Variants in MAP7D1 observed in about 807,000 individuals in gnomAD.
The protein encoded by MAP7D1 is MAP7 domain-containing protein 1.
In MAP7D1, 30 loss-of-function variants were observed where a neutral mutation model predicts 97.5. The ratio of observed to expected loss-of-function variants is 0.31; its 90% CI spans 0.23 to 0.42. MAP7D1 has a LOEUF of 0.42. Among genes scored for constraint, MAP7D1 ranks in the 10% least tolerant of loss-of-function variants. The pLI, the probability that MAP7D1 is intolerant of heterozygous loss-of-function variation, is 1.00. For synonymous variants in MAP7D1, 536 were observed against 477.1 expected (o/e 1.12, Z -1.61); for missense variants, 1,184 against 1,179.5 (o/e 1.00, Z -0.06).
Position 36,156,274 on chromosome 1 carries a change from T to C in MAP7D1, c.-144T>C. ...GACTCGCGGGCCACCTGCCTCGACC[T>C]TCCCCGGAGCGCCCCCGCCTCCGAG... On this transcript the variant is annotated 5_prime_UTR_variant, in exon 1 of 17. Coordinates refer to ENST00000474796, the MANE Select transcript of MAP7D1 (RefSeq NM_001388490.1). The C allele has an allele frequency of 1.7e-6, 1 of 584,978 alleles. No individual in the cohort carries two copies. Among genetic ancestry groups the C allele is most frequent in the Non-Finnish European group, 2.6e-6 (1 of 379,164 alleles). The allele number at this position is 584,978 out of a possible 1,614,324, so 36.2% of individuals were successfully genotyped here.
At chr1:36,173,734 G>GCCTGTCAATTATTATTAGTTGT (rs1644579603) in intron 5 of MAP7D1, among the ~76,000 whole-genome samples, 1 of 152,066 alleles carries the variant, frequency 6.6e-6, no homozygotes, top group Admixed American at 6.6e-5. Flanking sequence ...CCTTCTTTGC[G>GCCTGTCAATTATTATTAGTTGT]CCTGTCAATT....
Position 36,175,015 on chromosome 1 carries a change from G to A in MAP7D1, c.850+7G>A. 6.3e-7 allele frequency: 1 copy of A among 1,596,816 alleles called. No individual in the cohort carries two copies. On this transcript the variant is annotated splice_region_variant and intron_variant, in intron 6 of 16. Coordinates refer to ENST00000474796, the MANE Select transcript of MAP7D1 (RefSeq NM_001388490.1). ...TGGAACTCCCCCAGTAGAAGTAAGAGAAGGCCCAGCCCTTCCCCCTCCAGA... is the reference window on the plus strand; with the variant it reads ...TGGAACTCCCCCAGTAGAAGTAAGAAAAGGCCCAGCCCTTCCCCCTCCAGA...
In MAP7D1 at chr1:36,176,361, G is replaced by A. The variant is rs1270944461; in HGVS notation, c.1013G>A (p.Arg338Gln). The A allele has an allele frequency of 1.4e-5, 22 of 1,525,498 alleles. No individual in the cohort carries two copies. Among genetic ancestry groups the A allele is most frequent in the Non-Finnish European group, 1.8e-5 (21 of 1,140,370 alleles). The allele number at this position is 1,525,498 out of a possible 1,614,324, so 94.5% of individuals were successfully genotyped here. ...CDPGRGPTWG[R>Q]AGASLARGPQ... ...CCTGGGAGAGGCCCCACGTGGGGCCGGGCAGGGGCCAGCCTGGCGCGCGGG... is the reference window on the plus strand; with the variant it reads ...CCTGGGAGAGGCCCCACGTGGGGCCAGGCAGGGGCCAGCCTGGCGCGCGGG... The change falls in exon 7 of 17, where the codon CGG becomes CAG. Residue 338 changes from arginine to glutamine, a missense_variant. Transcript: ENST00000474796. The surrounding 1 kb of genome is among the most constrained non-coding windows in gnomAD (Gnocchi z 6.1).
At position 36,172,614 on chromosome 1, in the gene MAP7D1, T is replaced by C; in HGVS notation, c.611T>C (p.Leu204Pro). 6.4e-7 allele frequency: 1 copy of C among 1,568,958 alleles called. No homozygotes were observed. The change falls in exon 4 of 17, where the codon CTC becomes CCC. Residue 204 changes from leucine (L) to proline (P), a missense_variant. Transcript: ENST00000474796. The stretch of plus-strand genomic sequence containing the variant: ...CTGGAGGAACGGCAGCGGCAGAAGC[T>C]CGAGAAAAACAAGGTGCGGGATGGG... ...AALEERQRQK[L>P]EKNKERYEAA...
chr1:36,166,515 G>A (rs905734414), intron 1 of MAP7D1, among the ~76,000 whole-genome samples: 2 of 151,178 alleles, frequency 1.3e-5, no homozygotes. Context: ...TCAGCCTCCT[G>A]TGTACCTGGG....
rs1195083620 is a variant in MAP7D1, at chr1:36,179,703, G to A, written c.2265G>A (p.Leu755=). 2.0e-6 allele frequency: 3 copies of A among 1,515,736 alleles called. No homozygotes were observed. Among genetic ancestry groups the A allele is most frequent in the South Asian group, 1.3e-5 (1 of 75,612 alleles). The allele number at this position is 1,515,736 out of a possible 1,614,324, so 93.9% of individuals were successfully genotyped here. The change falls in exon 15 of 17, where the codon CTG becomes CTA. Residue 755 remains leucine (L), a synonymous_variant. Transcript: ENST00000474796. The stretch of plus-strand genomic sequence containing the variant: ...CTGTGGAGGCTCGGTCCCCAGGGCT[G>A]CAGAAGGAGGCTGTGCAGAAAGAGG... ...VKAVEARSPG[L]QKEAVQKEEP...
In MAP7D1 at chr1:36,178,520, G is replaced by T; in HGVS notation, c.1810G>T (p.Ala604Ser). The T allele has an allele frequency of 6.2e-7, 1 of 1,606,984 alleles. No individual in the cohort carries two copies. The highest frequency in any genetic ancestry group is 8.5e-7 in the Non-Finnish European group (1 of 1,177,188). ...CCGAGAAGAAGCCACTCGGCTCTTG[G>T]CTGAGAAGCGGCGCCAGGCCCGGGA... ...TDREEATRLL[A>S]EKRRQAREQR... Residue 604 changes from alanine to serine, a missense_variant, in exon 10 of 17, where the codon GCT becomes TCT. Coordinates refer to ENST00000474796, the MANE Select transcript of MAP7D1 (RefSeq NM_001388490.1).
intron 5 of MAP7D1, among the ~76,000 whole-genome samples, chr1:36,174,550 G>A (rs1644590771): frequency 6.6e-6 from 1 of 152,154 alleles, no homozygotes. Flanking sequence ...GTCTTGGCTG[G>A]GCAGTGTCAG....
intron 8 of MAP7D1, 78 bp from the exon 9 acceptor site, chr1:36,177,795 C>T (rs1292861618): frequency 1.6e-5 from 24 of 1,512,274 alleles, no homozygotes; most frequent in African/African-American, 2.8e-5. Flanking sequence ...GGAGGGGGCA[C>T]CTCCCAGAGG....
rs1052838917 is a variant in MAP7D1, at chr1:36,180,420, C to T, written c.*162C>T. ...ATCTGCACCTTATAGACTGATGTCTCTTTGGCCGGAGCCAGATCTGCCCCT... is the reference window on the plus strand; with the variant it reads ...ATCTGCACCTTATAGACTGATGTCTTTTTGGCCGGAGCCAGATCTGCCCCT... On this transcript the variant is annotated 3_prime_UTR_variant, in exon 17 of 17. Transcript: ENST00000474796. The T allele has an allele frequency of 4.2e-6, 4 of 956,760 alleles. No homozygotes were observed. In the African/African-American group the frequency reaches 4.9e-5, roughly 12 times the overall value. 59.3% of individuals were successfully genotyped at this position (956,760 alleles called of 1,614,324 possible).
intron 4 of MAP7D1, among the ~76,000 whole-genome samples, 154 bp from the exon 5 acceptor site, chr1:36,173,210 G>A (rs532823174): frequency 1.3e-5 from 2 of 152,244 alleles, no homozygotes; most frequent in Non-Finnish European, 2.9e-5. Context: ...TCATAGCAAG[G>A]ATTTGGTAAC....
chr1:36,168,029 G>A (rs1644494029), intron 1 of MAP7D1, among the ~76,000 whole-genome samples: 1 of 152,198 alleles, frequency 6.6e-6, no homozygotes, highest in Non-Finnish European at 1.5e-5. Flanking sequence ...GGGTGCGGTG[G>A]CTCACGCCTG....
In MAP7D1 at chr1:36,178,484, G is replaced by C. The variant is rs770810971; in HGVS notation, c.1774G>C (p.Gly592Arg). The change falls in exon 10 of 17, where the codon GGC (glycine) becomes CGC (arginine). Residue 592 changes from glycine to arginine, a missense_variant. By Grantham distance (125) the Gly-to-Arg change is moderately radical (BLOSUM62 -2). Coordinates refer to ENST00000474796, the MANE Select transcript of MAP7D1 (RefSeq NM_001388490.1). ...PPVTPSKPMA[G>R]TTDREEATRL... ...GGTGACCCCTAGCAAACCAATGGCCGGCACCACAGACCGAGAAGAAGCCAC... is the reference window on the plus strand; with the variant it reads ...GGTGACCCCTAGCAAACCAATGGCCCGCACCACAGACCGAGAAGAAGCCAC... 2.5e-6 allele frequency: 4 copies of C among 1,611,260 alleles called. No individual in the cohort carries two copies. Among genetic ancestry groups the C allele is most frequent in the South Asian group, 2.2e-5 (2 of 90,876 alleles).
chr1:36,172,118 G>A (rs1644553664), intron 3 of MAP7D1: 3 of 199,840 alleles, frequency 1.5e-5, no homozygotes, highest in South Asian at 2.8e-4. Flanking sequence ...TTCAGACCCA[G>A]AAGCCTCCTG....
rs1250468239 is a variant in MAP7D1 at position 36,178,527 on chromosome 1, A to G, written c.1817A>G (p.Lys606Arg). Residue 606 changes from lysine (K) to arginine (R), a missense_variant, in exon 10 of 17, where the codon AAG (lysine) becomes AGG (arginine). Coordinates refer to ENST00000474796, the MANE Select transcript of MAP7D1 (RefSeq NM_001388490.1). ...GAAGCCACTCGGCTCTTGGCTGAGA[A>G]GCGGCGCCAGGCCCGGGAGCAGCGG... ...REEATRLLAE[K>R]RRQAREQRER... is the part of the protein sequence containing the mutation. 6.2e-7 allele frequency: 1 copy of G among 1,604,492 alleles called. No homozygotes were observed. Among genetic ancestry groups the G allele is most frequent in the Non-Finnish European group, 8.5e-7 (1 of 1,175,992 alleles).
Position 36,179,006 on chromosome 1 carries a change from A to T in MAP7D1, c.2111A>T (p.Glu704Val). The T allele has an allele frequency of 6.5e-7, 1 of 1,545,860 alleles. No individual in the cohort carries two copies. The highest frequency in any genetic ancestry group is 8.7e-7 in the Non-Finnish European group (1 of 1,146,494). ...AAGCACTTCCAGCAGCAGGAGCAAGAGCGGCAAGAGCGCAGAAAGGTGTGC... is the reference window on the plus strand; with the variant it reads ...AAGCACTTCCAGCAGCAGGAGCAAGTGCGGCAAGAGCGCAGAAAGGTGTGC... The part of the protein sequence containing the change: ...REKHFQQQEQ[E>V]RQERRKRLEE... Residue 704 changes from glutamate (E) to valine (V), a missense_variant, in exon 12 of 17, where the codon GAG becomes GTG. Coordinates refer to ENST00000474796, the MANE Select transcript of MAP7D1 (RefSeq NM_001388490.1).
Position 36,178,913 on chromosome 1 carries a change from T to C in MAP7D1, c.2026-8T>C. The C allele has an allele frequency of 6.4e-7, 1 of 1,552,752 alleles. No individual in the cohort carries two copies. The highest frequency in any genetic ancestry group is 1.2e-5 in the South Asian group (1 of 84,158). ...CAAGTGCCCCACGCTCATGGGGGTC[T>C]TTGGCAGAAAGAGGAGGCCGAAGCT... On this transcript the variant is annotated splice_polypyrimidine_tract_variant and splice_region_variant and intron_variant, in intron 11 of 16. Transcript: ENST00000474796.
chr1:36,156,451 G>A lies in MAP7D1; in HGVS notation c.34G>A (p.Gly12Ser), dbSNP rs1350352638. Residue 12 changes from glycine to serine, a missense_variant, in exon 1 of 17, where the codon GGC becomes AGC. Gly to Ser is a moderately conservative substitution (Grantham distance 56). Transcript: ENST00000474796. ...CGGCCCGCGTGCGGAGCTGGGGGCG[G>A]GCGCACCCCCAGGTATGCCGGGAGC... The part of the protein sequence containing the change: ...ESGPRAELGA[G>S]APPAVVARTP... The A allele has an allele frequency of 6.8e-7, 1 of 1,472,564 alleles. No homozygotes were observed. Among genetic ancestry groups the A allele is most frequent in the East Asian group, 3.0e-5 (1 of 33,718 alleles). The allele number at this position is 1,472,564 out of a possible 1,614,324, so 91.2% of individuals were successfully genotyped here. A position where few individuals can be genotyped will look rare whatever the true frequency, so the allele number is the denominator to read the frequency against.
rs760922661 is a variant in MAP7D1 at position 36,176,601 on chromosome 1, C to G, written c.1233+20C>G. 7 of 1,539,180 alleles carry G rather than the reference C, an allele frequency of 4.5e-6. No homozygotes were observed. In the African/African-American group the frequency reaches 9.6e-5, roughly 21 times the overall value. ...TCGCCGGTGAGTGGCTCTACTGGCT[C>G]GAGTGGCCGCGCAGGTGGGGACAGG... On this transcript the variant is annotated intron_variant, in intron 7 of 16. Transcript: ENST00000474796. This position sits in a 1 kb window ranked among gnomAD's most constrained non-coding sequence, Gnocchi z 6.1.
Sources: gnomAD v4.1 joint callset for allele counts (sites outside exome capture counted in the v4.1 genomes callset) on GRCh38, gnomAD v4.1.1 for gene constraint, Gnocchi (gnomAD v3.1) non-coding constraint, MANE v1.5 for transcripts, NCBI Gene and HGNC (gene_info 2026-07-23, HGNC 2026-07-21) for gene names.